Variants in SNRK observed in about 807,000 individuals in gnomAD.
The protein encoded by SNRK is SNF-related serine/threonine-protein kinase.
In SNRK, 3 loss-of-function variants were observed where a neutral mutation model predicts 48.2. The observed-to-expected ratio is 0.06, with a 90% CI of 0.03 to 0.16. SNRK has a LOEUF of 0.16. SNRK is among the 10% of genes least tolerant of loss of function. The pLI, the probability that SNRK is intolerant of heterozygous loss-of-function variation, is 1.00. For missense variants in SNRK, 627 were observed against 976.0 expected (o/e 0.64, Z 4.76); for synonymous variants, 376 against 366.1 (o/e 1.03, Z -0.31).
rs2091306809 is a variant in SNRK, at chr3:43,349,542, C to T, written c.*985C>T. 1 of 152,190 alleles carries T rather than the reference C, an allele frequency of 6.6e-6. No homozygotes were observed. Among genetic ancestry groups the T allele is most frequent in the Non-Finnish European group, 1.5e-5 (1 of 68,034 alleles). 9.4% of individuals were successfully genotyped at this position (152,190 alleles called of 1,614,324 possible). A position where few individuals can be genotyped will look rare whatever the true frequency, so the allele number is the denominator to read the frequency against. ...GATTATCTCTTTTGTTATTTTCATTCAGTTATATCCTTTGGCTCAGCTAGC... is the reference window on the plus strand; with the variant it reads ...GATTATCTCTTTTGTTATTTTCATTTAGTTATATCCTTTGGCTCAGCTAGC... On this transcript the variant is annotated 3_prime_UTR_variant, in exon 7 of 7. Coordinates refer to ENST00000296088, the MANE Select transcript of SNRK (RefSeq NM_017719.5).
At chr3:43,300,358 CT>C (rs1010221691) in intron 2 of SNRK, among the ~76,000 whole-genome samples, 1 of 151,966 alleles carries the variant, frequency 6.6e-6, no homozygotes, top group African/African-American at 2.4e-5. Flanking sequence ...TGTAATAAAA[CT>C]TTTATTTTCA....
chr3:43,331,040 C>A (rs2091142416), intron 3 of SNRK, among the ~76,000 whole-genome samples: 1 of 152,164 alleles, frequency 6.6e-6, no homozygotes, highest in African/African-American at 2.4e-5. Flanking sequence ...TGGGAAATAA[C>A]ATGGAACCTA....
At position 43,303,637 on chromosome 3, in the gene SNRK, T is replaced by C. The variant is rs1559460681; in HGVS notation, c.434T>C (p.Val145Ala). 6.2e-7 allele frequency: 1 copy of C among 1,614,194 alleles called. No individual in the cohort carries two copies. The change falls in exon 3 of 7, where the codon GTA (valine) becomes GCA (alanine). Residue 145 changes from valine to alanine, a missense_variant. This residue lies in a region of SNRK where 147 missense variants were observed against 356.8 expected (regional missense o/e 0.41). Coordinates refer to ENST00000296088, the MANE Select transcript of SNRK (RefSeq NM_017719.5). This position sits in a 1 kb window ranked among gnomAD's most constrained non-coding sequence, Gnocchi z 6.2. ...VVHRDLKPENVVFFEKQGLVK... is the reference protein window; with the variant it reads ...VVHRDLKPENAVFFEKQGLVK... ...CACAGAGACTTAAAACCAGAGAATG[T>C]AGTCTTCTTTGAAAAACAAGGTCTT... is the stretch of plus-strand genomic sequence containing the variant.
intron 1 of SNRK, among the ~76,000 whole-genome samples, chr3:43,294,482 G>A (rs1385357967): frequency 6.6e-6 from 1 of 152,102 alleles, no homozygotes; most frequent in East Asian, 1.9e-4. Context: ...ACTGTGATTG[G>A]TCACATGAGG....
intron 3 of SNRK, among the ~76,000 whole-genome samples, chr3:43,313,565 A>G (rs2090994066): frequency 6.6e-6 from 1 of 152,198 alleles, no homozygotes; most frequent in Non-Finnish European, 1.5e-5. Flanking sequence ...TGTGCCTGTA[A>G]AAAGATAGCA....
chr3:43,348,658 A>G lies in SNRK; in HGVS notation c.*101A>G. On this transcript the variant is annotated 3_prime_UTR_variant, in exon 7 of 7. Coordinates refer to ENST00000296088, the MANE Select transcript of SNRK (RefSeq NM_017719.5). ...GTTTTACTATTTTAAAGTGGGCGTT[A>G]GGAGCAATTATTTATTACCTTTCCA... is the stretch of plus-strand genomic sequence containing the variant. 8.1e-7 allele frequency: 1 copy of G among 1,235,220 alleles called. No individual in the cohort carries two copies. 76.5% of individuals were successfully genotyped at this position (1,235,220 alleles called of 1,614,324 possible). A position where few individuals can be genotyped will look rare whatever the true frequency, so the allele number is the denominator to read the frequency against.
intron 3 of SNRK, among the ~76,000 whole-genome samples, chr3:43,317,938 C>CTTAGA (rs2091025584): frequency 6.6e-6 from 1 of 152,192 alleles, no homozygotes; most frequent in Non-Finnish European, 1.5e-5. Flanking sequence ...ATGTAAAGTA[C>CTTAGA]TTAGCATAAC....
chr3:43,294,321 A>G (rs950517169), intron 1 of SNRK, among the ~76,000 whole-genome samples: 1 of 152,354 alleles, frequency 6.6e-6, no homozygotes, highest in South Asian at 2.1e-4. Context: ...TGCAATATAC[A>G]TAATGATGGG....
At chr3:43,346,197 A>C (rs545033482) in intron 6 of SNRK, among the ~76,000 whole-genome samples, 2 of 152,350 alleles carry the variant, frequency 1.3e-5, no homozygotes, top group South Asian at 2.1e-4. Flanking sequence ...ACTTCAGAGA[A>C]TACTGCTTCT....
intron 3 of SNRK, among the ~76,000 whole-genome samples, chr3:43,308,709 T>G (rs2090956429): frequency 6.6e-6 from 1 of 152,230 alleles, no homozygotes; most frequent in Admixed American, 6.5e-5. Context: ...CTGATGGAGA[T>G]GTACAAGGAA....
chr3:43,328,657 C>T (rs973389141), intron 3 of SNRK, among the ~76,000 whole-genome samples: 3 of 152,144 alleles, frequency 2.0e-5, no homozygotes, highest in African/African-American at 7.2e-5. Flanking sequence ...GTTCTGGGGA[C>T]CCAAGCTCCT....
chr3:43,344,087 T>C (rs1394527562), intron 6 of SNRK, among the ~76,000 whole-genome samples: 6 of 152,180 alleles, frequency 3.9e-5, no homozygotes, highest in Non-Finnish European at 8.8e-5. Context: ...TTAATATATG[T>C]AAAGCACTTA....
chr3:43,315,077 G>T (rs2091004864), intron 3 of SNRK: 1 of 152,122 alleles, frequency 6.6e-6, no homozygotes, highest in African/African-American at 2.4e-5. Context: ...CACTAAGTTG[G>T]ACATTAATAT....
rs140846012 is a variant in SNRK at position 43,313,805 on chromosome 3, TA to T, written c.589+10014del. Among the ~76,000 whole-genome samples the T allele has an allele frequency of 8.3e-3, 1,260 of 152,344 alleles. 16 individuals are homozygous for T. Among genetic ancestry groups the T allele is most frequent in the African/African-American group, 0.029 (1,207 of 41,574 alleles). On this transcript the variant is annotated intron_variant, in intron 3 of 6. Coordinates refer to ENST00000296088, the MANE Select transcript of SNRK (RefSeq NM_017719.5). ...AACTGGGTGAAGAATACATGAAACT[TA>T]CCTTTCCATTTGTTTTGTTGGCCAC...
intron 3 of SNRK, among the ~76,000 whole-genome samples, chr3:43,323,463 G>A (rs111992838): frequency 2.4e-4 from 37 of 152,308 alleles, no homozygotes; most frequent in African/African-American, 4.1e-4. Context: ...CCAAGTGCTG[G>A]CAAGGGTGTG....
intron 3 of SNRK, among the ~76,000 whole-genome samples, chr3:43,317,379 A>G (rs1265132417): frequency 6.6e-6 from 1 of 152,196 alleles, no homozygotes; most frequent in Non-Finnish European, 1.5e-5. Flanking sequence ...AGTGGGGAGC[A>G]GCTGTAAGGA....
At position 43,348,137 on chromosome 3, in the gene SNRK, T is replaced by G. The variant is rs1465684872; in HGVS notation, c.1878T>G (p.Cys626Trp). 4 of 1,580,184 alleles carry G rather than the reference T, an allele frequency of 2.5e-6. No homozygotes were observed. The highest frequency in any genetic ancestry group is 3.6e-5 in the Admixed American group (2 of 55,714). The change falls in exon 7 of 7, where the codon TGT becomes TGG. Residue 626 changes from cysteine (C) to tryptophan (W), a missense_variant. By Grantham distance (215) the Cys-to-Trp change is radical (BLOSUM62 -2). Around this residue, in one of 4 missense-constraint regions of SNRK, gnomAD observed 207 missense variants for 234.3 expected, o/e 0.88. Transcript: ENST00000296088. The stretch of plus-strand genomic sequence containing the variant: ...ATACATCGGGTACCACACGCCGCTG[T>G]GCCGGCCCCAGCAACTCCATGCAGC... The part of the protein sequence containing the change: ...PTNTSGTTRR[C>W]AGPSNSMQLA...
rs983784845 is a variant in SNRK, at chr3:43,287,119, C to T, written c.-169+444C>T. Among the ~76,000 whole-genome samples the T allele has an allele frequency of 2.2e-4, 34 of 151,580 alleles. No individual in the cohort carries two copies. In the East Asian group the frequency reaches 6.4e-3, roughly 29 times the overall value. On this transcript the variant is annotated intron_variant, in intron 1 of 6. Coordinates refer to ENST00000296088, the MANE Select transcript of SNRK (RefSeq NM_017719.5). ...GTTCTTTGAATGCGTTTTCCCCTTT[C>T]AGAAGACTGTAGAAATCCGGCCTCA...
In SNRK at chr3:43,348,055, G is replaced by C; in HGVS notation, c.1796G>C (p.Ser599Thr). 1 of 1,605,216 alleles carries C rather than the reference G, an allele frequency of 6.2e-7. No individual in the cohort carries two copies. The highest frequency in any genetic ancestry group is 8.5e-7 in the Non-Finnish European group (1 of 1,175,768). ...GGAGGGGTGGACAAGGCCAGCCCCA[G>C]TGAGAACAATGCTGGTGGGGGCAGT... ...ASGGVDKASP[S>T]ENNAGGGSPS... is the part of the protein sequence containing the mutation. Residue 599 changes from serine (S) to threonine (T), a missense_variant, in exon 7 of 7, where the codon AGT (serine) becomes ACT (threonine). By Grantham distance (58) the Ser-to-Thr change is moderately conservative. Coordinates refer to ENST00000296088, the MANE Select transcript of SNRK (RefSeq NM_017719.5).
Sources: allele counts gnomAD v4.1 joint callset (sites outside exome capture counted in the v4.1 genomes callset), GRCh38; gene constraint gnomAD v4.1.1; regional missense constraint gnomAD v4.1.1; non-coding constraint Gnocchi (gnomAD v3.1); transcripts MANE v1.5; gene names NCBI Gene and HGNC (gene_info 2026-07-23, HGNC 2026-07-21).